The following PCDH9 variants were observed in gnomAD, a reference collection of about 807,000 sequenced individuals.
The protein encoded by PCDH9 is protocadherin 9.
A neutral mutation model predicts 70.6 loss-of-function variants in PCDH9; 24 were observed. That is an observed-to-expected ratio of 0.34 (90% confidence interval 0.25 to 0.48). PCDH9 has a LOEUF of 0.48. PCDH9 is among the 20% of genes least tolerant of loss of function. PCDH9 has a pLI of 0.99. For missense variants in PCDH9, 1,281 were observed against 1,503.6 expected (o/e 0.85, Z 2.45); for synonymous variants, 562 against 558.5 (o/e 1.01, Z -0.09).
intron 4 of PCDH9, among the ~76,000 whole-genome samples, chr13:66,588,207 C>T (rs1320907695): frequency 2.0e-5 from 3 of 151,404 alleles, no homozygotes; most frequent in East Asian, 1.9e-4. Context: ...TTGTTAATGA[C>T]GGAGATACCC....
chr13:66,560,997 T>A (rs1358704932), intron 4 of PCDH9, among the ~76,000 whole-genome samples: 2 of 152,210 alleles, frequency 1.3e-5, no homozygotes, highest in Non-Finnish European at 1.5e-5. Flanking sequence ...GCCGCTGCAC[T>A]GTGGGAGCCC....
At chr13:67,057,469 G>T (rs79501802) in intron 2 of PCDH9, among the ~76,000 whole-genome samples, 8 of 151,758 alleles carry the variant, frequency 5.3e-5, no homozygotes, top group Non-Finnish European at 8.8e-5. Flanking sequence ...TTTACTATAT[G>T]GCAACTTTTT....
At chr13:66,708,136 G>A (rs2078738970) in intron 3 of PCDH9, among the ~76,000 whole-genome samples, 2 of 150,946 alleles carry the variant, frequency 1.3e-5, no homozygotes, top group African/African-American at 4.9e-5. Context: ...TGCAAGCTCC[G>A]CCTCCCGGGT....
intron 2 of PCDH9, among the ~76,000 whole-genome samples, chr13:67,131,974 C>T (rs956054421): frequency 5.3e-5 from 8 of 152,272 alleles, no homozygotes; most frequent in African/African-American, 1.7e-4. Flanking sequence ...GCACATTTGA[C>T]TGTGCGAACC....
At chr13:66,874,016 C>G (rs935273699) in intron 3 of PCDH9, among the ~76,000 whole-genome samples, 1 of 144,984 alleles carries the variant, frequency 6.9e-6, no homozygotes, top group Non-Finnish European at 1.5e-5. Context: ...GCATGGCTCA[C>G]TGAAGTCTGT....
chr13:66,376,230 C>T (rs1222136402), intron 4 of PCDH9, among the ~76,000 whole-genome samples: 3 of 152,106 alleles, frequency 2.0e-5, no homozygotes, highest in Admixed American at 6.5e-5. Context: ...AAACAACTCA[C>T]TAGATAAACT....
At chr13:66,624,630 C>G (rs1234159554) in intron 4 of PCDH9, among the ~76,000 whole-genome samples, 1 of 152,172 alleles carries the variant, frequency 6.6e-6, no homozygotes, top group Non-Finnish European at 1.5e-5. Context: ...TTTCGAAAGA[C>G]TTTATTTTAC....
At chr13:67,106,222 G>A (rs1372944875) in intron 2 of PCDH9, among the ~76,000 whole-genome samples, 1 of 152,062 alleles carries the variant, frequency 6.6e-6, no homozygotes, top group East Asian at 1.9e-4. Context: ...AACTCTTGGG[G>A]CTCTGCTCTA....
intron 4 of PCDH9, among the ~76,000 whole-genome samples, chr13:66,452,725 C>A (rs1047839345): frequency 1.3e-5 from 2 of 152,248 alleles, no homozygotes; most frequent in Admixed American, 1.3e-4. Context: ...TTTTCCAAAG[C>A]TTCTTAAGTC....
intron 3 of PCDH9, among the ~76,000 whole-genome samples, chr13:66,780,213 C>T (rs2079975958): frequency 6.6e-6 from 1 of 151,940 alleles, no homozygotes; most frequent in Non-Finnish European, 1.5e-5. Context: ...ACGCTGTATA[C>T]CTTAACTGTA....
intron 2 of PCDH9, among the ~76,000 whole-genome samples, chr13:67,133,921 C>G (rs908893752): frequency 6.6e-6 from 1 of 151,944 alleles, no homozygotes; most frequent in Non-Finnish European, 1.5e-5. Flanking sequence ...CTAAAGATAC[C>G]TACAGATGTT....
intron 3 of PCDH9, among the ~76,000 whole-genome samples, chr13:66,847,489 T>C (rs2081232610): frequency 6.6e-6 from 1 of 152,168 alleles, no homozygotes; most frequent in East Asian, 1.9e-4. Flanking sequence ...CAATAACTAA[T>C]AATAAAATAG....
chr13:66,898,069 T>C (rs2082212289), intron 3 of PCDH9, among the ~76,000 whole-genome samples: 1 of 152,044 alleles, frequency 6.6e-6, no homozygotes, highest in Admixed American at 6.6e-5. Flanking sequence ...AACTTCTTTA[T>C]CTAGTGAGTG....
chr13:66,335,732 T>A (rs1182268398), intron 4 of PCDH9, among the ~76,000 whole-genome samples: 1 of 152,130 alleles, frequency 6.6e-6, no homozygotes, highest in African/African-American at 2.4e-5. Flanking sequence ...TGAAATGTGG[T>A]TTGACTCTAC....
intron 2 of PCDH9, among the ~76,000 whole-genome samples, chr13:67,183,402 C>T (rs2088667301): frequency 6.6e-6 from 1 of 152,118 alleles, no homozygotes; most frequent in Non-Finnish European, 1.5e-5. Flanking sequence ...TGCTTCCTGT[C>T]TTTTCTTTTG....
In PCDH9 at chr13:67,210,270, G is replaced by GA. The variant is rs1203091097; in HGVS notation, c.3036+15134dup. 4 of 151,864 alleles carry GA rather than the reference G, an allele frequency of 2.6e-5. No individual in the cohort carries two copies. In the South Asian group the frequency reaches 6.2e-4, roughly 24 times the overall value. The allele number at this position is 151,864 out of a possible 1,614,324, so 9.4% of individuals were successfully genotyped here. A position where few individuals can be genotyped will look rare whatever the true frequency, so the allele number is the denominator to read the frequency against. On this transcript the variant is annotated intron_variant, in intron 2 of 4. Transcript: ENST00000377865. ...CTGTTTTTTGATTTCTAATTCAAGA[G>GA]AAAAAAGTTAATTTTCTAGTTCAGA...
At chr13:67,175,018 C>T (rs2088412345) in intron 2 of PCDH9, among the ~76,000 whole-genome samples, 1 of 151,058 alleles carries the variant, frequency 6.6e-6, no homozygotes, top group South Asian at 2.1e-4. Flanking sequence ...AGCCTATAGT[C>T]CCAGCTACTT....
intron 2 of PCDH9, among the ~76,000 whole-genome samples, chr13:67,097,858 A>G (rs547306250): frequency 1.5e-4 from 23 of 152,330 alleles, no homozygotes; most frequent in Non-Finnish European, 2.6e-4. Flanking sequence ...TCAGAGTGCC[A>G]TATAAATACG....
chr13:67,019,977 G>C lies in PCDH9; in HGVS notation c.3037-116372C>G. 1.3e-5 allele frequency among the ~76,000 whole-genome samples: 2 copies of C among 152,074 alleles called. 1 individual carries two copies. The highest frequency in any genetic ancestry group is 3.9e-4 in the East Asian group (2 of 5,194). On this transcript the variant is annotated intron_variant, in intron 2 of 4. Transcript: ENST00000377865. ...TACACTCATTCATTCACAAAACTAA[G>C]AATTCTTTAGCTATAAAATTATTTT...
Sources: gnomAD v4.1 joint callset for allele counts (sites outside exome capture counted in the v4.1 genomes callset) on GRCh38, gnomAD v4.1.1 for gene constraint, MANE v1.5 for transcripts, NCBI Gene and HGNC (gene_info 2026-07-23, HGNC 2026-07-21) for gene names.